RTL4: variants seen among roughly 807,000 people sequenced by gnomAD.
RTL4 encodes the protein retrotransposon Gag like 4.
In RTL4, 4 loss-of-function variants were observed where a neutral mutation model predicts 5.3. The observed-to-expected ratio is 0.75, with a 90% CI of 0.37 to 1.72. The LOEUF is 1.72. RTL4 is among the 40% of genes most tolerant of loss of function. The pLI is 0.04. For missense variants in RTL4, 260 were observed against 227.1 expected, an observed-to-expected ratio of 1.14 and a Z score of -0.93; for synonymous variants, 98 against 87.3, an observed-to-expected ratio of 1.12 and a Z score of -0.68.
the RTL4 span, among the ~76,000 whole-genome samples, chrX:112,208,973 G>T: frequency 8.9e-6 from 1 of 112,243 alleles, no homozygotes; most frequent in Non-Finnish European, 1.9e-5. Context: ...GGTCAGCCTT[G>T]GTGGGTGGAA....
At chrX:112,199,151 T>C in the RTL4 span, among the ~76,000 whole-genome samples, 1 of 109,965 alleles carries the variant, frequency 9.1e-6, no homozygotes, top group Non-Finnish European at 1.9e-5. Flanking sequence ...TAGCCAGACG[T>C]GGTGGCAGAC....
chrX:112,308,518 G>A, the RTL4 span, among the ~76,000 whole-genome samples: 1 of 111,518 alleles, frequency 9.0e-6, no homozygotes, highest in East Asian at 2.8e-4. Context: ...TGGATAAAAG[G>A]ATGGTAGTCA....
At chrX:112,246,390 C>T in the RTL4 span, among the ~76,000 whole-genome samples, 9 of 111,824 alleles carry the variant, frequency 8.0e-5, no homozygotes, top group South Asian at 1.1e-3. Flanking sequence ...TGAGCTTCCC[C>T]GCCACTTTGT....
the RTL4 span, among the ~76,000 whole-genome samples, chrX:112,315,456 A>C: frequency 4.5e-5 from 5 of 111,474 alleles, no homozygotes; most frequent in Non-Finnish European, 9.4e-5. Flanking sequence ...AGCCAAAAGT[A>C]AAACGTTTAT....
At chrX:112,243,855 A>C in the RTL4 span, among the ~76,000 whole-genome samples, 3 of 111,684 alleles carry the variant, frequency 2.7e-5, no homozygotes, top group Non-Finnish European at 5.6e-5. Context: ...TTCCCTCTAC[A>C]CACTGCTTTA....
the RTL4 span, among the ~76,000 whole-genome samples, chrX:112,103,380 G>A: frequency 9.0e-6 from 1 of 111,283 alleles, no homozygotes; most frequent in Non-Finnish European, 1.9e-5. Context: ...GAGAACACAT[G>A]AACACATGAG....
chrX:112,176,923 G>A, the RTL4 span, among the ~76,000 whole-genome samples: 4 of 111,147 alleles, frequency 3.6e-5, no homozygotes, highest in South Asian at 7.6e-4. Context: ...AGCACATGAA[G>A]TATTTGTTGT....
chrX:112,118,864 C>T, the RTL4 span, among the ~76,000 whole-genome samples: 2 of 110,848 alleles, frequency 1.8e-5, no homozygotes, highest in Admixed American at 1.9e-4. Flanking sequence ...TTGATAAAAC[C>T]AGCAACCATT....
chrX:112,325,075 A>G, the RTL4 span, among the ~76,000 whole-genome samples: 1 of 111,611 alleles, frequency 9.0e-6, no homozygotes, highest in Non-Finnish European at 1.9e-5. Context: ...TAAAATACCT[A>G]GGAATCCAAC....
At chrX:112,242,902 G>C in the RTL4 span, among the ~76,000 whole-genome samples, 20 of 111,545 alleles carry the variant, frequency 1.8e-4, no homozygotes, top group South Asian at 3.4e-3. Flanking sequence ...CAACATGAAG[G>C]GCTGTTGAAT....
the RTL4 span, among the ~76,000 whole-genome samples, chrX:112,239,739 T>C: frequency 2.7e-5 from 3 of 111,604 alleles, no homozygotes; most frequent in East Asian, 8.5e-4. Context: ...AATAGGATAG[T>C]ACGATTTAAC....
the RTL4 span, among the ~76,000 whole-genome samples, chrX:112,148,973 G>C: frequency 9.0e-6 from 1 of 111,615 alleles, no homozygotes; most frequent in East Asian, 2.8e-4. Flanking sequence ...AAGGACAAGG[G>C]GGGAAGGCAG....
chrX:112,269,225 C>G, the RTL4 span, among the ~76,000 whole-genome samples: 3 of 112,178 alleles, frequency 2.7e-5, no homozygotes, highest in Non-Finnish European at 5.6e-5. Context: ...TGTCCCTTAT[C>G]TGAATAGGAG....
the RTL4 span, among the ~76,000 whole-genome samples, chrX:112,233,151 T>C: frequency 8.9e-6 from 1 of 111,870 alleles, no homozygotes; most frequent in African/African-American, 3.2e-5. Context: ...GTCATCTCAG[T>C]CATCCACCAA....
At chrX:112,453,486 C>A (rs1926778310), upstream of RTL4, among the ~76,000 whole-genome samples, 1 of 112,001 alleles carries the variant, frequency 8.9e-6, no homozygotes, top group African/African-American at 3.2e-5. Flanking sequence ...TTGCTAGATT[C>A]TCAACCTTAC....
the RTL4 span, among the ~76,000 whole-genome samples, chrX:112,090,942 T>C: frequency 9.0e-6 from 1 of 111,617 alleles, no homozygotes; most frequent in Non-Finnish European, 1.9e-5. Context: ...TTGTTATAGA[T>C]ATTTTCAGAA....
chrX:112,358,357 C>T, the RTL4 span, among the ~76,000 whole-genome samples: 1 of 109,873 alleles, frequency 9.1e-6, no homozygotes, highest in Admixed American at 9.7e-5. Flanking sequence ...GACAAAATCA[C>T]TTTCAACCGA....
the RTL4 span, among the ~76,000 whole-genome samples, chrX:112,353,740 G>A: frequency 1.8e-3 from 194 of 109,733 alleles, no homozygotes; most frequent in African/African-American, 6.1e-3. Context: ...GCTAAATGAC[G>A]AGTTAATGGG....
the RTL4 span, among the ~76,000 whole-genome samples, chrX:112,196,250 T>C: frequency 2.7e-5 from 3 of 111,791 alleles, no homozygotes; most frequent in East Asian, 2.8e-4. Context: ...TATGTAACCA[T>C]TGGGATTTTT....
Sources: allele counts gnomAD v4.1 joint callset (sites outside exome capture counted in the v4.1 genomes callset), GRCh38; gene constraint gnomAD v4.1.1; transcripts MANE v1.5; gene names NCBI Gene and HGNC (gene_info 2026-07-23, HGNC 2026-07-21).